The following COL22A1 variants were observed in gnomAD, a reference collection of about 807,000 sequenced individuals.
The protein encoded by COL22A1 is collagen type XXII alpha 1 chain, also known as collagen alpha-1(XXII) chain.
In COL22A1, 221 loss-of-function variants were observed where a neutral mutation model predicts 248.9. That is an observed-to-expected ratio of 0.89 (90% CI 0.80 to 0.99). COL22A1 has a LOEUF of 0.99. Among genes scored for constraint, COL22A1 ranks in the 50% least tolerant of loss-of-function variants. COL22A1 has a pLI of 0.00. For missense variants in COL22A1, 2,240 were observed against 2,179.0 expected, an observed-to-expected ratio of 1.03 and a Z score of -0.56; for synonymous variants, 891 against 793.4, an observed-to-expected ratio of 1.12 and a Z score of -2.07.
chr8:138,628,004 G>C (rs981627236), intron 50 of COL22A1, among the ~76,000 whole-genome samples: 1 of 151,694 alleles, frequency 6.6e-6, no homozygotes, highest in African/African-American at 2.4e-5. Context: ...ACCTACAAAA[G>C]GTTAGGAAAA....
At chr8:138,673,829 G>A (rs1179864634) in intron 41 of COL22A1, among the ~76,000 whole-genome samples, 1 of 152,148 alleles carries the variant, frequency 6.6e-6, no homozygotes, top group Non-Finnish European at 1.5e-5. Context: ...ACAGGTGAAT[G>A]ATTGGCCCAA....
intron 22 of COL22A1, among the ~76,000 whole-genome samples, chr8:138,744,158 G>T (rs1359345619): frequency 6.6e-6 from 1 of 152,158 alleles, no homozygotes; most frequent in Non-Finnish European, 1.5e-5. Context: ...CCACCTGGTA[G>T]AGCAGGAAAA....
At chr8:138,899,493 G>C (rs1297531545) in intron 1 of COL22A1, among the ~76,000 whole-genome samples, 1 of 152,096 alleles carries the variant, frequency 6.6e-6, no homozygotes, top group African/African-American at 2.4e-5. Flanking sequence ...TTTTGAACTT[G>C]CGTGCATTAA....
chr8:138,896,837 G>A, intron 1 of COL22A1, among the ~76,000 whole-genome samples: 1 of 152,112 alleles, frequency 6.6e-6, no homozygotes, highest in East Asian at 1.9e-4. Context: ...GCTGAACGTG[G>A]TGGTGAGTGC....
intron 49 of COL22A1, among the ~76,000 whole-genome samples, chr8:138,633,156 C>T (rs1373408321): frequency 6.6e-6 from 1 of 152,228 alleles, no homozygotes; most frequent in African/African-American, 2.4e-5. Context: ...GGTTAATTTT[C>T]TGCTGTGGAG....
intron 4 of COL22A1, among the ~76,000 whole-genome samples, chr8:138,836,879 G>T (rs1047636454): frequency 6.6e-6 from 1 of 152,108 alleles, no homozygotes. Context: ...CAGAACAGCC[G>T]CTGTTCCTAC....
chr8:138,780,793 G>A (rs1332731970), intron 13 of COL22A1, 134 bp downstream of exon 13: 10 of 764,336 alleles, frequency 1.3e-5, no homozygotes, highest in Non-Finnish European at 1.9e-5. Context: ...TATCTGCGAG[G>A]ATCCTAATAT....
intron 50 of COL22A1, among the ~76,000 whole-genome samples, chr8:138,626,858 C>T (rs1311441519): frequency 6.6e-6 from 1 of 152,158 alleles, no homozygotes; most frequent in African/African-American, 2.4e-5. Context: ...CAAAGACTTA[C>T]ATAAGTATCA....
chr8:138,664,141 A>G (rs1472872872), intron 41 of COL22A1, among the ~76,000 whole-genome samples: 1 of 149,940 alleles, frequency 6.7e-6, no homozygotes, highest in African/African-American at 2.5e-5. Context: ...TTCCCCAGCC[A>G]TAGCGCTAGT....
chr8:138,635,769 T>C (rs143118190), intron 48 of COL22A1, among the ~76,000 whole-genome samples: 21 of 152,266 alleles, frequency 1.4e-4, no homozygotes, highest in Middle Eastern at 3.4e-3. Flanking sequence ...TAGAGTACAT[T>C]GCCTTTGATA....
Position 138,660,847 on chromosome 8 carries a change from C to G in COL22A1, c.3241-367G>C, listed in dbSNP as rs1450628610. ...ACACACATACACACACAGACACACA[C>G]ACACATACACAGACACACAAACACA... On this transcript the variant is annotated intron_variant, in intron 43 of 64. Transcript: ENST00000303045. 1.3e-3 allele frequency among the ~76,000 whole-genome samples: 182 copies of G among 145,522 alleles called. 1 individual carries two copies. The highest frequency in any genetic ancestry group is 4.4e-3 in the African/African-American group (174 of 39,464).
chr8:138,819,546 T>C (rs1818930347), intron 7 of COL22A1, among the ~76,000 whole-genome samples: 1 of 149,276 alleles, frequency 6.7e-6, no homozygotes, highest in Admixed American at 6.7e-5. Context: ...ATCTATATAA[T>C]GTACCATTAT....
intron 22 of COL22A1, among the ~76,000 whole-genome samples, chr8:138,745,332 G>A (rs1207578554): frequency 6.6e-6 from 1 of 151,930 alleles, no homozygotes; most frequent in Non-Finnish European, 1.5e-5. Flanking sequence ...TGTGGAAGGT[G>A]AGAACCCAGG....
At position 138,877,733 on chromosome 8, in the gene COL22A1, G is replaced by T; in HGVS notation, c.658+17C>A. On this transcript the variant is annotated intron_variant, in intron 3 of 64. Coordinates refer to ENST00000303045, the MANE Select transcript of COL22A1 (RefSeq NM_152888.3). ...GTCACTCTTGGGAGGGGCCGCATGG[G>T]GCCCGGGCGCACTCACTTTCACAAA... 6.4e-7 allele frequency: 1 copy of T among 1,556,558 alleles called. No homozygotes were observed. The highest frequency in any genetic ancestry group is 8.7e-7 in the Non-Finnish European group (1 of 1,149,044).
In COL22A1 at chr8:138,703,435, C is replaced by T. The variant is rs77954202; in HGVS notation, c.2518-88G>A. The T allele has an allele frequency of 1.6e-3, 2,008 of 1,273,580 alleles. 18 individuals are homozygous for T. The African/African-American group carries it at 0.026, about 17-fold the overall frequency. The allele number at this position is 1,273,580 out of a possible 1,614,324, so 78.9% of individuals were successfully genotyped here. On this transcript the variant is annotated intron_variant, in intron 30 of 64. Coordinates refer to ENST00000303045, the MANE Select transcript of COL22A1 (RefSeq NM_152888.3). The stretch of plus-strand genomic sequence containing the variant: ...ACAGATCAGCTAACACTATTTTCCC[C>T]AGACAACAGAAGGTGTTGTCTTCTG...
At chr8:138,756,110 A>G (rs910871791) in intron 18 of COL22A1, among the ~76,000 whole-genome samples, 2 of 152,110 alleles carry the variant, frequency 1.3e-5, no homozygotes, top group Admixed American at 6.5e-5. Context: ...GTCATGTTCC[A>G]TGAACACCTC....
chr8:138,805,923 G>A (rs1015195447), intron 10 of COL22A1, among the ~76,000 whole-genome samples: 10 of 142,240 alleles, frequency 7.0e-5, no homozygotes, highest in East Asian at 6.8e-4. Context: ...TGTAGGTGAC[G>A]GTGTGTGACT....
At position 138,724,667 on chromosome 8, in the gene COL22A1, C is replaced by A. The variant is rs771169870; in HGVS notation, c.2195G>T (p.Gly732Val). The change falls in exon 25 of 65, where the codon GGT becomes GTT. Residue 732 changes from glycine to valine, a missense_variant and splice_region_variant. Gly to Val is a moderately radical substitution (Grantham distance 109, BLOSUM62 -3). Transcript: ENST00000303045. ...PGPPGPGGSP[G>V]LPGEIGFPGK... ...CGGGAAGCCGATCTCTCCAGGCAAACCCTGAAAGGGGACCACATGGACCCT... is the reference window on the plus strand; with the variant it reads ...CGGGAAGCCGATCTCTCCAGGCAAAACCTGAAAGGGGACCACATGGACCCT... The A allele has an allele frequency of 5.6e-6, 9 of 1,614,136 alleles. No individual in the cohort carries two copies. Among genetic ancestry groups the A allele is most frequent in the South Asian group, 3.3e-5 (3 of 91,080 alleles).
chr8:138,805,453 G>C (rs1327935573), intron 10 of COL22A1, among the ~76,000 whole-genome samples: 1 of 147,306 alleles, frequency 6.8e-6, no homozygotes, highest in East Asian at 2.1e-4. Flanking sequence ...TGTGGTGTGT[G>C]TGATGGTGTG....
Sources: allele counts gnomAD v4.1 joint callset (sites outside exome capture counted in the v4.1 genomes callset), GRCh38; gene constraint gnomAD v4.1.1; transcripts MANE v1.5; gene names NCBI Gene and HGNC (gene_info 2026-07-23, HGNC 2026-07-21).